VWA2: variants seen among roughly 807,000 people sequenced by gnomAD.
VWA2 encodes the protein von Willebrand factor A domain containing 2.
In VWA2, 73 loss-of-function variants were observed where a neutral mutation model predicts 70.4. That is an observed-to-expected ratio of 1.04 (90% CI 0.86 to 1.26). VWA2 has a LOEUF of 1.26. Among genes scored for constraint, VWA2 ranks in the 50% most tolerant of loss-of-function variants. The pLI, the probability that VWA2 is intolerant of heterozygous loss-of-function variation, is 0.00. For synonymous variants in VWA2, 407 were observed against 423.3 expected (o/e 0.96, Z 0.47); for missense variants, 1,011 against 998.5 (o/e 1.01, Z -0.17).
At position 114,247,613 on chromosome 10, in the gene VWA2, C is replaced by T. The variant is rs530901508; in HGVS notation, c.-10-1091C>T. On this transcript the variant is annotated intron_variant, in intron 1 of 13. Transcript: ENST00000392982. ...CGCGAAGGGCTTATTTTTTAAAAAACACTGGAGTCATGGCATGTGTGTAAA... is the reference window on the plus strand; with the variant it reads ...CGCGAAGGGCTTATTTTTTAAAAAATACTGGAGTCATGGCATGTGTGTAAA... Among the ~76,000 whole-genome samples the T allele has an allele frequency of 1.1e-4, 17 of 151,964 alleles. No individual in the cohort carries two copies. The South Asian group carries it at 3.3e-3, about 30-fold the overall frequency.
chr10:114,285,359 A>C (rs902906516), intron 10 of VWA2, among the ~76,000 whole-genome samples: 4 of 152,236 alleles, frequency 2.6e-5, no homozygotes, highest in Non-Finnish European at 5.9e-5. Flanking sequence ...AGAGGTGTGA[A>C]ATGAAGATGA....
At chr10:114,252,928 C>T (rs899446894) in intron 2 of VWA2, among the ~76,000 whole-genome samples, 9 of 151,798 alleles carry the variant, frequency 5.9e-5, no homozygotes, top group African/African-American at 1.9e-4. Flanking sequence ...GCCCCACTTC[C>T]GTGACCTGGC....
chr10:114,251,655 C>T (rs964997431), intron 2 of VWA2, among the ~76,000 whole-genome samples: 5 of 151,974 alleles, frequency 3.3e-5, no homozygotes, highest in Non-Finnish European at 5.9e-5. Flanking sequence ...GAGGGCTGGG[C>T]GAGGCTCTGT....
intron 11 of VWA2, among the ~76,000 whole-genome samples, chr10:114,287,185 CTTT>C (rs920019007): frequency 6.6e-6 from 1 of 152,042 alleles, no homozygotes; most frequent in Non-Finnish European, 1.5e-5. Context: ...TGAAACACGT[CTTT>C]TTTTTCTTTT....
At position 114,277,975 on chromosome 10, in the gene VWA2, CAG is replaced by C. The variant is rs766806580; in HGVS notation, c.629_630del (p.Gln210ArgfsTer33). On this transcript the variant is annotated frameshift_variant, in exon 7 of 14. Coordinates refer to ENST00000392982, the MANE Select transcript of VWA2 (RefSeq NM_001272046.2). LOFTEE classifies it high-confidence loss of function. ...AGGGCAGCACGTGCTGTTGGCTGAG[CAG>C]GTGGAGGATGCCACCAACGGCCTCT... ...PRGQHVLLAE[Q>X]VEDATNGLFS... The C allele has an allele frequency of 3.3e-5, 53 of 1,612,996 alleles. No homozygotes were observed. Among genetic ancestry groups the C allele is most frequent in the Non-Finnish European group, 3.2e-5 (38 of 1,179,756 alleles).
Position 114,272,731 on chromosome 10 carries a change from T to C in VWA2, c.372-9T>C, listed in dbSNP as rs143264066. ...CTTTTCTTTCTTTTTTCCTTCTGGG[T>C]GTGCACAGAGGAGGGCGCACGGAGA... is the stretch of plus-strand genomic sequence containing the variant. On this transcript the variant is annotated splice_polypyrimidine_tract_variant and intron_variant, in intron 5 of 13. Transcript: ENST00000392982. 1 of 1,578,708 alleles carries C rather than the reference T, an allele frequency of 6.3e-7. No homozygotes were observed. Among genetic ancestry groups the C allele is most frequent in the Non-Finnish European group, 8.6e-7 (1 of 1,158,522 alleles).
chr10:114,270,734 T>G (rs538301225), intron 5 of VWA2, among the ~76,000 whole-genome samples: 171 of 152,342 alleles, frequency 1.1e-3, no homozygotes, highest in African/African-American at 4.0e-3. Context: ...GTATCTAATG[T>G]GTGATCCAGC....
intron 10 of VWA2, 85 bp downstream of exon 10, chr10:114,285,055 T>TACCCAGCA: frequency 8.7e-7 from 1 of 1,146,154 alleles, no homozygotes; most frequent in Non-Finnish European, 1.2e-6. Flanking sequence ...CCCTTCCAGC[T>TACCCAGCA]GCTGGGTAGA....
chr10:114,256,975 G>T (rs887490203), intron 4 of VWA2, among the ~76,000 whole-genome samples: 1 of 151,568 alleles, frequency 6.6e-6, no homozygotes, highest in African/African-American at 2.4e-5. Flanking sequence ...TTACTTGGAT[G>T]AGAGACTGGT....
chr10:114,242,554 C>T (rs1313795765), intron 1 of VWA2, among the ~76,000 whole-genome samples: 1 of 151,800 alleles, frequency 6.6e-6, no homozygotes, highest in African/African-American at 2.4e-5. Context: ...CATCTGTGTA[C>T]TGTGTGCCTC....
chr10:114,254,568 G>A (rs1031922760), intron 3 of VWA2, among the ~76,000 whole-genome samples: 8 of 152,110 alleles, frequency 5.3e-5, no homozygotes, highest in Middle Eastern at 3.2e-3. Flanking sequence ...ACATATCAGG[G>A]TGCCTGTGTC....
At chr10:114,274,660 T>A (rs1418308043) in intron 6 of VWA2, among the ~76,000 whole-genome samples, 1 of 137,920 alleles carries the variant, frequency 7.3e-6, no homozygotes, top group Non-Finnish European at 1.5e-5. Flanking sequence ...ACCTGGCTAC[T>A]TTTTTTTTTT....
chr10:114,286,227 C>T lies in VWA2; in HGVS notation c.1286C>T (p.Ala429Val), dbSNP rs757382288. Reference sequence around the variant, plus strand: ...CTGACGGGCAGTGCCTTGCGGCAGGCGGCAGAGCGTGGCTTCGGGAGCGCC... The same window carrying T: ...CTGACGGGCAGTGCCTTGCGGCAGGTGGCAGAGCGTGGCTTCGGGAGCGCC... ...PTLTGSALRQ[A>V]AERGFGSATR... The change falls in exon 11 of 14, where the codon GCG becomes GTG. Residue 429 changes from alanine to valine, a missense_variant. Coordinates refer to ENST00000392982, the MANE Select transcript of VWA2 (RefSeq NM_001272046.2). 6 of 1,613,116 alleles carry T rather than the reference C, an allele frequency of 3.7e-6. No homozygotes were observed. Among genetic ancestry groups the T allele is most frequent in the East Asian group, 2.2e-5 (1 of 44,866 alleles).
chr10:114,287,955 G>A (rs1045698942), intron 11 of VWA2, among the ~76,000 whole-genome samples: 7 of 152,146 alleles, frequency 4.6e-5, no homozygotes, highest in South Asian at 2.1e-4. Flanking sequence ...CGCCTTCCCC[G>A]TAGCTGTGAT....
At chr10:114,264,845 G>A (rs781711843) in intron 5 of VWA2, among the ~76,000 whole-genome samples, 24 of 152,180 alleles carry the variant, frequency 1.6e-4, no homozygotes, top group Admixed American at 3.3e-4. Context: ...TCAGCCTCCC[G>A]AGTAGCTAGG....
intron 2 of VWA2, among the ~76,000 whole-genome samples, chr10:114,253,200 CTCTCCCCT>C: frequency 0.083 from 1 of 12 alleles, no homozygotes; most frequent in African/African-American, 0.083. Flanking sequence ...CCCCTCTCTC[CTCTCCCCT>C]CTCCCCCCTC....
intron 5 of VWA2, among the ~76,000 whole-genome samples, chr10:114,270,453 G>A (rs2037683584): frequency 6.6e-6 from 1 of 152,210 alleles, no homozygotes; most frequent in Non-Finnish European, 1.5e-5. Flanking sequence ...AATATTACCA[G>A]TTATCACTAT....
chr10:114,242,568 G>T (rs868218287), intron 1 of VWA2, among the ~76,000 whole-genome samples: 2 of 148,142 alleles, frequency 1.4e-5, no homozygotes, highest in Non-Finnish European at 2.9e-5. Context: ...GTGCCTCTGC[G>T]TACTGGTGCC....
rs769380790 is a variant in VWA2, at chr10:114,289,139, G to A, written c.1772G>A (p.Arg591Gln). The change falls in exon 12 of 14, where the codon CGG (arginine) becomes CAG (glutamine). Residue 591 changes from arginine to glutamine, a missense_variant. Transcript: ENST00000392982. ...TAFGLDTKPT[R>Q]AAMLRAISQA... Reference sequence around the variant, plus strand: ...TTCGGGCTGGACACCAAACCCACCCGGGCTGCGATGCTGCGGGCCATTAGC... The same window carrying A: ...TTCGGGCTGGACACCAAACCCACCCAGGCTGCGATGCTGCGGGCCATTAGC... The A allele has an allele frequency of 2.3e-5, 37 of 1,613,914 alleles. 1 individual carries two copies. The highest frequency in any genetic ancestry group is 1.6e-4 in the East Asian group (7 of 44,856).
Sources: allele counts gnomAD v4.1 joint callset (sites outside exome capture counted in the v4.1 genomes callset), GRCh38; gene constraint gnomAD v4.1.1; transcripts MANE v1.5; gene names NCBI Gene and HGNC (gene_info 2026-07-23, HGNC 2026-07-21).